The following SLC38A3 variants were observed in gnomAD, a reference collection of about 807,000 sequenced individuals.
The protein encoded by SLC38A3 is sodium-coupled neutral amino acid transporter 3.
A neutral mutation model predicts 59.5 loss-of-function variants in SLC38A3; 17 were observed. That is an observed-to-expected ratio of 0.29 (90% CI 0.20 to 0.43). SLC38A3 has a LOEUF of 0.43. Ranked by LOEUF, SLC38A3 falls within the 20% of genes least tolerant of loss-of-function variation. The probability of loss-of-function intolerance (pLI) is 1.00; values close to 1 mark genes in which losing one functional copy is unlikely to be tolerated. For missense variants in SLC38A3, 454 were observed against 653.9 expected (o/e 0.69, Z 3.33); for synonymous variants, 238 against 260.3 (o/e 0.91, Z 0.82).
In SLC38A3 at chr3:50,215,339, A is replaced by G. The variant is rs775774314; in HGVS notation, c.300-47A>G. 6.4e-7 allele frequency: 1 copy of G among 1,566,966 alleles called. No individual in the cohort carries two copies. Among genetic ancestry groups the G allele is most frequent in the Non-Finnish European group, 8.8e-7 (1 of 1,137,348 alleles). ...CCCCTCACCCTCTGCCAGCCACGGT[A>G]GCCCCCCAGTGGCCTCTTTTTCTTC... On this transcript the variant is annotated intron_variant, in intron 4 of 15. Coordinates refer to ENST00000614032, the MANE Select transcript of SLC38A3 (RefSeq NM_006841.6). This position sits in a 1 kb window ranked among gnomAD's most constrained non-coding sequence, Gnocchi z 7.1.
At chr3:50,212,657 C>T (rs1699750073) in intron 1 of SLC38A3, among the ~76,000 whole-genome samples, 1 of 151,998 alleles carries the variant, frequency 6.6e-6, no homozygotes, top group Non-Finnish European at 1.5e-5. Context: ...CTGCCTGGGG[C>T]AGTGCAGGGA....
At position 50,218,498 on chromosome 3, in the gene SLC38A3, C is replaced by T; in HGVS notation, c.1037-95C>T. The T allele has an allele frequency of 1.9e-6, 3 of 1,580,012 alleles. 1 individual carries two copies. Among genetic ancestry groups the T allele is most frequent in the South Asian group, 2.2e-5 (2 of 89,316 alleles). ...CCTTGCCGCTGTGGAGGTGAGTCTGCATGCCAATCCCCACAGTGTTGGGGT... is the reference window on the plus strand; with the variant it reads ...CCTTGCCGCTGTGGAGGTGAGTCTGTATGCCAATCCCCACAGTGTTGGGGT... On this transcript the variant is annotated intron_variant, in intron 12 of 15. Coordinates refer to ENST00000614032, the MANE Select transcript of SLC38A3 (RefSeq NM_006841.6). The surrounding 1 kb of genome is among the most constrained non-coding windows in gnomAD (Gnocchi z 5.8).
chr3:50,210,299 C>A (rs925594591), intron 1 of SLC38A3, among the ~76,000 whole-genome samples: 1 of 152,128 alleles, frequency 6.6e-6, no homozygotes, highest in South Asian at 2.1e-4. Context: ...AGCCCTCACC[C>A]CTGAGCCCCC....
chr3:50,218,460 G>T lies in SLC38A3; in HGVS notation c.1036+90G>T. 6.5e-7 allele frequency: 1 copy of T among 1,531,888 alleles called. No homozygotes were observed. The allele number at this position is 1,531,888 out of a possible 1,614,324, so 94.9% of individuals were successfully genotyped here. A position where few individuals can be genotyped will look rare whatever the true frequency, so the allele number is the denominator to read the frequency against. Reference sequence around the variant, plus strand: ...GGTGCCCTCCATACCGAGGCGTGTGGTGCCTGGCTGTGCCTTGCCGCTGTG... The same window carrying T: ...GGTGCCCTCCATACCGAGGCGTGTGTTGCCTGGCTGTGCCTTGCCGCTGTG... On this transcript the variant is annotated intron_variant, in intron 12 of 15. Coordinates refer to ENST00000614032, the MANE Select transcript of SLC38A3 (RefSeq NM_006841.6). This position sits in a 1 kb window ranked among gnomAD's most constrained non-coding sequence, Gnocchi z 5.8.
In SLC38A3 at chr3:50,208,514, C is replaced by T. The variant is rs539652122; in HGVS notation, c.-52+3166C>T. Among the ~76,000 whole-genome samples, 11 of 152,260 alleles carry T rather than the reference C, an allele frequency of 7.2e-5. No individual in the cohort carries two copies. The East Asian group carries it at 1.7e-3, about 24-fold the overall frequency. Reference sequence around the variant, plus strand: ...CTGGGCTCAGGTGATCTGCCCGCCTCGGCCTCCCAAAGTGCTGGGATTACA... The same window carrying T: ...CTGGGCTCAGGTGATCTGCCCGCCTTGGCCTCCCAAAGTGCTGGGATTACA... On this transcript the variant is annotated intron_variant, in intron 1 of 15. Coordinates refer to ENST00000614032, the MANE Select transcript of SLC38A3 (RefSeq NM_006841.6).
Position 50,218,637 on chromosome 3 carries a change from C to A in SLC38A3, c.1081C>A (p.Pro361Thr), listed in dbSNP as rs745812005. 5 of 1,613,610 alleles carry A rather than the reference C, an allele frequency of 3.1e-6. No individual in the cohort carries two copies. The East Asian group carries it at 1.1e-4, about 36-fold the overall frequency. Reference protein sequence around the residue: ...ELLHTYSKVDPFDVLILCVRV... With the variant: ...ELLHTYSKVDTFDVLILCVRV... ...GCTGCACACCTACAGCAAGGTGGAC[C>A]CGTTTGACGTCCTGATCCTGTGTGT... The change falls in exon 13 of 16, where the codon CCG becomes ACG. Residue 361 changes from proline to threonine, a missense_variant. By Grantham distance (38) the Pro-to-Thr change is conservative. Transcript: ENST00000614032. The surrounding 1 kb of genome is among the most constrained non-coding windows in gnomAD (Gnocchi z 5.8).
rs1291847853 is a variant in SLC38A3 at position 50,214,596 on chromosome 3, T to C, written c.184-57T>C. On this transcript the variant is annotated intron_variant, in intron 3 of 15. Transcript: ENST00000614032. The surrounding 1 kb of genome is among the most constrained non-coding windows in gnomAD (Gnocchi z 6.0). ...AGGGACAGTCAGGGGAAGGCTGCGA[T>C]GCCCCTGTCCCTTGCTGACTCCTCC... The C allele has an allele frequency of 3.4e-6, 5 of 1,479,506 alleles. No individual in the cohort carries two copies. Among genetic ancestry groups the C allele is most frequent in the Non-Finnish European group, 4.7e-6 (5 of 1,074,888 alleles). The allele number at this position is 1,479,506 out of a possible 1,614,324, so 91.6% of individuals were successfully genotyped here.
In SLC38A3 at chr3:50,214,663, A is replaced by G. The variant is rs1309591884; in HGVS notation, c.194A>G (p.Lys65Arg). Residue 65 changes from lysine (K) to arginine (R), a missense_variant, in exon 4 of 16, where the codon AAG (lysine) becomes AGG (arginine). Physicochemically the swap from Lys to Arg is conservative, Grantham distance 26. Around this residue, in one of 3 missense-constraint regions of SLC38A3, gnomAD observed 390 missense variants for 557.9 expected, o/e 0.70. Coordinates refer to ENST00000614032, the MANE Select transcript of SLC38A3 (RefSeq NM_006841.6). This position sits in a 1 kb window ranked among gnomAD's most constrained non-coding sequence, Gnocchi z 6.0. The part of the protein sequence containing the change: ...KEPHFTDFEG[K>R]TSFGMSVFNL... ...TTCTGGTGCCTGCAGTTCGAGGGGA[A>G]GACATCATTCGGGATGTCAGTGTTC... 6.2e-7 allele frequency: 1 copy of G among 1,610,186 alleles called. No homozygotes were observed. The highest frequency in any genetic ancestry group is 1.3e-5 in the African/African-American group (1 of 74,846).
Position 50,218,258 on chromosome 3 carries a change from A to T in SLC38A3, c.936-12A>T. 1 of 1,150,952 alleles carries T rather than the reference A, an allele frequency of 8.7e-7. No homozygotes were observed. The highest frequency in any genetic ancestry group is 1.3e-6 in the Non-Finnish European group (1 of 764,030). 71.3% of individuals were successfully genotyped at this position (1,150,952 alleles called of 1,614,324 possible). On this transcript the variant is annotated splice_polypyrimidine_tract_variant and intron_variant, in intron 11 of 15. Coordinates refer to ENST00000614032, the MANE Select transcript of SLC38A3 (RefSeq NM_006841.6). The surrounding 1 kb of genome is among the most constrained non-coding windows in gnomAD (Gnocchi z 5.8). The stretch of plus-strand genomic sequence containing the variant: ...GCTTGTCACCAACACCCACCCCCCC[A>T]CTTCCCCACAGCCCCTCCAAGAAGA...
Position 50,215,900 on chromosome 3 carries a change from GT to G in SLC38A3, c.548+80del. 2 of 633,848 alleles carry G rather than the reference GT, an allele frequency of 3.2e-6. No homozygotes were observed. Among genetic ancestry groups the G allele is most frequent in the Admixed American group, 2.6e-5 (1 of 38,126 alleles). The allele number at this position is 633,848 out of a possible 1,614,324, so 39.3% of individuals were successfully genotyped here. A position where few individuals can be genotyped will look rare whatever the true frequency, so the allele number is the denominator to read the frequency against. On this transcript the variant is annotated intron_variant, in intron 7 of 15. Transcript: ENST00000614032. This position sits in a 1 kb window ranked among gnomAD's most constrained non-coding sequence, Gnocchi z 7.1. ...TGGGGTGGGGTGGGGCTGGGTGAGG[GT>G]GGGGGGGCCCAGGCTGGGCTGGTGG...
In SLC38A3 at chr3:50,221,134, A is replaced by G. The variant is rs1360761865; in HGVS notation, c.*957A>G. 1.2e-5 allele frequency: 1 copy of G among 80,170 alleles called. No homozygotes were observed. The highest frequency in any genetic ancestry group is 2.5e-5 in the Non-Finnish European group (1 of 39,914). 5.0% of individuals were successfully genotyped at this position (80,170 alleles called of 1,614,324 possible). ...CACCCACCCCACCCCCTGCCTCCCA[A>G]ACTAACCAGTGGCACACTCAGACCC... On this transcript the variant is annotated 3_prime_UTR_variant, in exon 16 of 16. Coordinates refer to ENST00000614032, the MANE Select transcript of SLC38A3 (RefSeq NM_006841.6).
intron 15 of SLC38A3, 43 bp downstream of exon 15, chr3:50,220,027 G>C: frequency 6.2e-7 from 1 of 1,602,470 alleles, no homozygotes; most frequent in Non-Finnish European, 8.5e-7. Flanking sequence ...TGGGGCTAAG[G>C]GAACTGCCCT....
At chr3:50,216,260 G>A (rs957961115) in intron 7 of SLC38A3, among the ~76,000 whole-genome samples, 28 of 152,354 alleles carry the variant, frequency 1.8e-4, no homozygotes, top group South Asian at 6.2e-4. Context: ...TGGGACAGAG[G>A]GGACACAGCC....
In SLC38A3 at chr3:50,218,383, C is replaced by T. The variant is rs766962156; in HGVS notation, c.1036+13C>T. On this transcript the variant is annotated intron_variant, in intron 12 of 15. Coordinates refer to ENST00000614032, the MANE Select transcript of SLC38A3 (RefSeq NM_006841.6). This position sits in a 1 kb window ranked among gnomAD's most constrained non-coding sequence, Gnocchi z 5.8. Reference sequence around the variant, plus strand: ...CTCACCTTCTACAGTACGGTGGCACCGGTGGGCAGAGGCCTAGGCTAGGCT... The same window carrying T: ...CTCACCTTCTACAGTACGGTGGCACTGGTGGGCAGAGGCCTAGGCTAGGCT... The T allele has an allele frequency of 2.0e-5, 32 of 1,585,658 alleles. No individual in the cohort carries two copies. The highest frequency in any genetic ancestry group is 1.7e-4 in the Middle Eastern group (1 of 5,996).
rs1699808122 is a variant in SLC38A3 at position 50,215,728 on chromosome 3, C to T, written c.467-12C>T. The T allele has an allele frequency of 6.2e-7, 1 of 1,605,190 alleles. No homozygotes were observed. The highest frequency in any genetic ancestry group is 1.1e-5 in the South Asian group (1 of 89,912). ...GACCTCAGCGCCTGCCTGCCCGCCC[C>T]TCTCCCCACAGCCATGTCCAGCTAC... On this transcript the variant is annotated splice_polypyrimidine_tract_variant and intron_variant, in intron 6 of 15. Coordinates refer to ENST00000614032, the MANE Select transcript of SLC38A3 (RefSeq NM_006841.6). This position sits in a 1 kb window ranked among gnomAD's most constrained non-coding sequence, Gnocchi z 7.1.
chr3:50,219,782 C>A, intron 14 of SLC38A3, 99 bp from the exon 15 acceptor site: 1 of 981,534 alleles, frequency 1.0e-6, no homozygotes. Flanking sequence ...CATGAAACTC[C>A]CTCAACAAGG....
Position 50,220,697 on chromosome 3 carries a change from C to G in SLC38A3, c.*520C>G, listed in dbSNP as rs1699884304. On this transcript the variant is annotated 3_prime_UTR_variant, in exon 16 of 16. Transcript: ENST00000614032. ...TCTCCCATCTCCCTTCACAGGATGA[C>G]ACCCTCCCATACCCCATAGCTGGGG... 5.7e-6 allele frequency: 1 copy of G among 175,802 alleles called. No homozygotes were observed. The highest frequency in any genetic ancestry group is 2.4e-5 in the African/African-American group (1 of 42,208). The allele number at this position is 175,802 out of a possible 1,614,324, so 10.9% of individuals were successfully genotyped here.
In SLC38A3 at chr3:50,215,557, T is replaced by C; in HGVS notation, c.387T>C (p.Tyr129=). The change falls in exon 6 of 16, where the codon TAT becomes TAC. Residue 129 remains tyrosine (Y), a synonymous_variant. Coordinates refer to ENST00000614032, the MANE Select transcript of SLC38A3 (RefSeq NM_006841.6). This position sits in a 1 kb window ranked among gnomAD's most constrained non-coding sequence, Gnocchi z 7.1. Reference sequence around the variant, plus strand: ...CTGCTCCTGCAGGCATCCGTGCCTATGAGCAGCTGGGCTACCGTGCCTTTG... The same window carrying C: ...CTGCTCCTGCAGGCATCCGTGCCTACGAGCAGCTGGGCTACCGTGCCTTTG... ...KSSGVVGIRA[Y]EQLGYRAFGT... is the part of the protein sequence containing the mutation. The C allele has an allele frequency of 1.2e-6, 2 of 1,613,860 alleles. No individual in the cohort carries two copies. Among genetic ancestry groups the C allele is most frequent in the African/African-American group, 2.7e-5 (2 of 75,020 alleles).
rs1470752262 is a variant in SLC38A3, at chr3:50,214,601, CT to C, written c.184-51del. The C allele has an allele frequency of 5.4e-6, 8 of 1,490,838 alleles. No homozygotes were observed. The East Asian group carries it at 7.1e-5, about 13-fold the overall frequency. 92.4% of individuals were successfully genotyped at this position (1,490,838 alleles called of 1,614,324 possible). On this transcript the variant is annotated intron_variant, in intron 3 of 15. Coordinates refer to ENST00000614032, the MANE Select transcript of SLC38A3 (RefSeq NM_006841.6). This position sits in a 1 kb window ranked among gnomAD's most constrained non-coding sequence, Gnocchi z 6.0. ...CAGTCAGGGGAAGGCTGCGATGCCC[CT>C]GTCCCTTGCTGACTCCTCCCACCCT...
Sources: allele counts gnomAD v4.1 joint callset (sites outside exome capture counted in the v4.1 genomes callset), GRCh38; gene constraint gnomAD v4.1.1; regional missense constraint gnomAD v4.1.1; non-coding constraint Gnocchi (gnomAD v3.1); transcripts MANE v1.5; gene names NCBI Gene and HGNC (gene_info 2026-07-23, HGNC 2026-07-21).